Variants in GRM8 observed in about 807,000 individuals in gnomAD.
GRM8 encodes glutamate metabotropic receptor 8.
GRM8 carries 47 observed loss-of-function variants against 87.2 expected under a neutral mutation model. The observed-to-expected ratio is 0.54, with a 90% CI of 0.43 to 0.69. The LOEUF is 0.69. GRM8 is among the 30% of genes least tolerant of loss of function. The probability of loss-of-function intolerance (pLI) is 0.00; values close to 1 mark genes in which losing one functional copy is unlikely to be tolerated. For missense variants in GRM8, 1,019 were observed against 1,139.2 expected (o/e 0.89, Z 1.52); for synonymous variants, 396 against 404.5 (o/e 0.98, Z 0.25).
At chr7:127,183,509 G>C (rs1020849095) in intron 2 of GRM8, among the ~76,000 whole-genome samples, 5 of 151,410 alleles carry the variant, frequency 3.3e-5, no homozygotes, top group Non-Finnish European at 3.0e-5. Context: ...TGAAAACATA[G>C]CACCAAAATT....
intron 3 of GRM8, among the ~76,000 whole-genome samples, chr7:126,937,011 G>A (rs1364618800): frequency 6.6e-6 from 1 of 152,210 alleles, no homozygotes; most frequent in African/African-American, 2.4e-5. Context: ...GTCACAGGCT[G>A]TAAGGACAGA....
At chr7:126,584,978 TA>T (rs1345524064) in intron 8 of GRM8, among the ~76,000 whole-genome samples, 1 of 152,154 alleles carries the variant, frequency 6.6e-6, no homozygotes, top group Non-Finnish European at 1.5e-5. Context: ...TTCTTTAAAA[TA>T]AATAACCCAA....
chr7:127,107,366 A>G (rs1209420449), intron 2 of GRM8, among the ~76,000 whole-genome samples: 1 of 152,224 alleles, frequency 6.6e-6, no homozygotes, highest in Non-Finnish European at 1.5e-5. Flanking sequence ...AAGGGAATCC[A>G]GACCATAAAT....
intron 2 of GRM8, among the ~76,000 whole-genome samples, chr7:127,120,288 T>G (rs1458704680): frequency 6.6e-6 from 1 of 152,196 alleles, no homozygotes; most frequent in East Asian, 1.9e-4. Flanking sequence ...AAAATTAAAT[T>G]TAAGGTCCAA....
intron 6 of GRM8, among the ~76,000 whole-genome samples, chr7:126,860,190 T>C (rs1447274806): frequency 6.6e-6 from 1 of 152,212 alleles, no homozygotes; most frequent in Non-Finnish European, 1.5e-5. Flanking sequence ...AATCTTATAC[T>C]ACATATTCAT....
intron 6 of GRM8, among the ~76,000 whole-genome samples, chr7:126,901,637 TGAG>T (rs937106930): frequency 6.6e-6 from 1 of 151,942 alleles, no homozygotes; most frequent in African/African-American, 2.4e-5. Context: ...CCAAAGAAAG[TGAG>T]GAGGAGGGAA....
chr7:126,839,577 G>A (rs557161805), intron 6 of GRM8, among the ~76,000 whole-genome samples: 15 of 152,266 alleles, frequency 9.9e-5, no homozygotes, highest in African/African-American at 2.9e-4. Context: ...CTGATACTGA[G>A]AATTACAAAT....
chr7:127,004,626 A>C (rs17866847), intron 3 of GRM8, among the ~76,000 whole-genome samples: 1 of 151,740 alleles, frequency 6.6e-6, no homozygotes, highest in African/African-American at 2.4e-5. Flanking sequence ...TGCTTTAGTG[A>C]AATTGTTTTT....
intron 7 of GRM8, among the ~76,000 whole-genome samples, chr7:126,765,023 C>T (rs1206814002): frequency 6.6e-6 from 1 of 152,036 alleles, no homozygotes; most frequent in Non-Finnish European, 1.5e-5. Context: ...CAAGTTTGTA[C>T]TACTTCCTCC....
chr7:126,686,312 G>T (rs768738952), intron 7 of GRM8, among the ~76,000 whole-genome samples: 1 of 152,082 alleles, frequency 6.6e-6, no homozygotes, highest in Non-Finnish European at 1.5e-5. Flanking sequence ...CAAGACCTTG[G>T]TACCTGCTGA....
In GRM8 at chr7:126,439,242, C is replaced by A. The variant is rs535308654; in HGVS notation, c.2678-74G>T. ...CTTTTGTTAATATGATTTTAAAATT[C>A]AAGTCCTGTAATGACTTTTTAATAA... is the stretch of plus-strand genomic sequence containing the variant. On this transcript the variant is annotated intron_variant, in intron 10 of 10. Transcript: ENST00000339582. 5 of 881,072 alleles carry A rather than the reference C, an allele frequency of 5.7e-6. No homozygotes were observed. The East Asian group carries it at 7.4e-5, about 13-fold the overall frequency. The allele number at this position is 881,072 out of a possible 1,614,324, so 54.6% of individuals were successfully genotyped here. A position where few individuals can be genotyped will look rare whatever the true frequency, so the allele number is the denominator to read the frequency against.
intron 7 of GRM8, among the ~76,000 whole-genome samples, chr7:126,763,442 CAT>C (rs750564318): frequency 0.017 from 1,998 of 119,848 alleles, 41 homozygotes; most frequent in African/African-American, 0.052. Flanking sequence ...ATGATAAATT[CAT>C]ATATATATAT....
intron 3 of GRM8, among the ~76,000 whole-genome samples, chr7:127,073,799 T>A (rs1020774927): frequency 6.6e-6 from 1 of 152,124 alleles, no homozygotes; most frequent in African/African-American, 2.4e-5. Context: ...CAACCAGCTT[T>A]TTTCAGACAT....
At chr7:126,793,303 T>TGC (rs1821568732) in intron 6 of GRM8, among the ~76,000 whole-genome samples, 1 of 152,194 alleles carries the variant, frequency 6.6e-6, no homozygotes, top group Admixed American at 6.6e-5. Flanking sequence ...CGGTTTGCTG[T>TGC]AATAAGAGAA....
chr7:126,666,839 C>T (rs1049049368), intron 7 of GRM8, among the ~76,000 whole-genome samples: 6 of 152,140 alleles, frequency 3.9e-5, no homozygotes, highest in Non-Finnish European at 7.4e-5. Context: ...TGCTCTTTAT[C>T]TATTTCAACT....
chr7:126,987,066 G>C (rs1026445922), intron 3 of GRM8, among the ~76,000 whole-genome samples: 6 of 152,134 alleles, frequency 3.9e-5, no homozygotes, highest in Non-Finnish European at 8.8e-5. Context: ...CTATGAGTCT[G>C]GCTCCAGAGT....
At chr7:126,544,897 T>C (rs1460267324) in intron 8 of GRM8, among the ~76,000 whole-genome samples, 1 of 152,136 alleles carries the variant, frequency 6.6e-6, no homozygotes, top group Non-Finnish European at 1.5e-5. Flanking sequence ...AGAAAAGATA[T>C]CCACGCTCTA....
intron 7 of GRM8, among the ~76,000 whole-genome samples, chr7:126,618,479 T>C (rs571232842): frequency 6.6e-6 from 1 of 152,328 alleles, no homozygotes; most frequent in Non-Finnish European, 1.5e-5. Context: ...ATGGACTTCA[T>C]GTCTAAAACA....
intron 9 of GRM8, among the ~76,000 whole-genome samples, chr7:126,510,293 CAAAA>C (rs3038818): frequency 7.7e-6 from 1 of 130,010 alleles, no homozygotes. Context: ...TAGGTTTTAG[CAAAA>C]AAAAAAAAAA....
Sources: allele counts gnomAD v4.1 joint callset (sites outside exome capture counted in the v4.1 genomes callset), GRCh38; gene constraint gnomAD v4.1.1; transcripts MANE v1.5; gene names NCBI Gene and HGNC (gene_info 2026-07-23, HGNC 2026-07-21).